The following FBXL17 variants were observed in gnomAD, a reference collection of about 807,000 sequenced individuals.
FBXL17 encodes F-box/LRR-repeat protein 17.
A neutral mutation model predicts 66.2 loss-of-function variants in FBXL17; 22 were observed. The observed-to-expected ratio is 0.33, with a 90% CI of 0.24 to 0.47. The LOEUF is 0.47. FBXL17 is among the 20% of genes least tolerant of loss of function. FBXL17 has a pLI of 1.00. For missense variants in FBXL17, 878 were observed against 948.2 expected, an observed-to-expected ratio of 0.93 and a Z score of 0.97; for synonymous variants, 474 against 400.5, an observed-to-expected ratio of 1.18 and a Z score of -2.19.
rs369864877 is a variant in FBXL17, at chr5:108,050,422, A to T, written c.1746-29421T>A. 2.4e-4 allele frequency among the ~76,000 whole-genome samples: 36 copies of T among 152,300 alleles called. No individual in the cohort carries two copies. The South Asian group carries it at 7.3e-3, about 31-fold the overall frequency. Reference sequence around the variant, plus strand: ...AGGATTAAGAAACTCACTCAAAACCAAACAATTACATGGAAATTGAACAAC... The same window carrying T: ...AGGATTAAGAAACTCACTCAAAACCTAACAATTACATGGAAATTGAACAAC... On this transcript the variant is annotated intron_variant, in intron 6 of 8. Coordinates refer to ENST00000542267, the MANE Select transcript of FBXL17 (RefSeq NM_001163315.3).
chr5:108,114,961 T>C (rs1227474264), intron 6 of FBXL17, among the ~76,000 whole-genome samples: 1 of 152,176 alleles, frequency 6.6e-6, no homozygotes, highest in Non-Finnish European at 1.5e-5. Flanking sequence ...TACAGAAATG[T>C]AGTCCAAAAA....
At chr5:108,241,531 C>G (rs1388982382) in intron 4 of FBXL17, among the ~76,000 whole-genome samples, 2 of 151,930 alleles carry the variant, frequency 1.3e-5, no homozygotes, top group Non-Finnish European at 2.9e-5. Context: ...AATCTAAGAG[C>G]TATTGCCTTT....
chr5:108,269,253 C>A (rs1356031210), intron 4 of FBXL17, among the ~76,000 whole-genome samples: 1 of 151,982 alleles, frequency 6.6e-6, no homozygotes, highest in East Asian at 1.9e-4. Flanking sequence ...AGTGACTTCA[C>A]CTCAAAATAA....
At chr5:108,237,521 G>A (rs1178977819) in intron 4 of FBXL17, among the ~76,000 whole-genome samples, 2 of 152,182 alleles carry the variant, frequency 1.3e-5, no homozygotes, top group African/African-American at 4.8e-5. Context: ...TACTGAAGGA[G>A]TCTATTTTAT....
At chr5:108,276,594 C>T (rs1757492875) in intron 4 of FBXL17, among the ~76,000 whole-genome samples, 2 of 152,050 alleles carry the variant, frequency 1.3e-5, no homozygotes, top group African/African-American at 4.8e-5. Flanking sequence ...AGCTACCTAG[C>T]AGTAAAATTT....
intron 5 of FBXL17, among the ~76,000 whole-genome samples, chr5:108,189,408 TTTG>T (rs1272077017): frequency 2.0e-5 from 3 of 152,064 alleles, no homozygotes; most frequent in East Asian, 3.9e-4. Context: ...TCAGTGTTTT[TTTG>T]TTGTTATTTT....
intron 6 of FBXL17, among the ~76,000 whole-genome samples, chr5:108,086,527 G>C: frequency 6.6e-6 from 1 of 152,038 alleles, no homozygotes; most frequent in Non-Finnish European, 1.5e-5. Flanking sequence ...GTGTTAACCT[G>C]ACTTTTTTAA....
At chr5:107,883,882 G>A (rs747951339) in intron 7 of FBXL17, among the ~76,000 whole-genome samples, 2 of 152,184 alleles carry the variant, frequency 1.3e-5, no homozygotes, top group African/African-American at 4.8e-5. Flanking sequence ...CTTGAAGGAT[G>A]AGTAATGGTT....
At chr5:108,115,714 T>C (rs1750222898) in intron 6 of FBXL17, among the ~76,000 whole-genome samples, 1 of 152,110 alleles carries the variant, frequency 6.6e-6, no homozygotes, top group Non-Finnish European at 1.5e-5. Context: ...TGAGTAGTTC[T>C]ACAAAATGAC....
At chr5:107,888,760 G>C (rs537750711) in intron 7 of FBXL17, among the ~76,000 whole-genome samples, 1 of 151,980 alleles carries the variant, frequency 6.6e-6, no homozygotes, top group African/African-American at 2.4e-5. Context: ...GGTGGTTTCC[G>C]CCTTGGGGCT....
intron 3 of FBXL17, among the ~76,000 whole-genome samples, chr5:108,356,524 T>G (rs1747999091): frequency 6.6e-6 from 1 of 152,102 alleles, no homozygotes; most frequent in Admixed American, 6.5e-5. Flanking sequence ...TGAAAAGACA[T>G]GGAAGAAACT....
intron 4 of FBXL17, among the ~76,000 whole-genome samples, chr5:108,318,067 T>C (rs981237476): frequency 6.6e-6 from 1 of 151,276 alleles, no homozygotes; most frequent in Admixed American, 6.6e-5. Flanking sequence ...CGCTGATAGC[T>C]AAAAAAAACT....
intron 6 of FBXL17, among the ~76,000 whole-genome samples, chr5:108,148,925 T>C (rs1326675548): frequency 6.6e-6 from 1 of 152,244 alleles, no homozygotes; most frequent in Non-Finnish European, 1.5e-5. Flanking sequence ...TTATAATCTC[T>C]TAAATGTTAA....
intron 1 of FBXL17, among the ~76,000 whole-genome samples, chr5:108,377,346 C>A (rs1247717515): frequency 1.3e-5 from 2 of 152,166 alleles, no homozygotes; most frequent in East Asian, 3.8e-4. Flanking sequence ...TCCACTCACC[C>A]CAACTGGCAC....
intron 1 of FBXL17, among the ~76,000 whole-genome samples, chr5:108,375,717 T>C (rs1023508708): frequency 6.6e-6 from 1 of 152,016 alleles, no homozygotes; most frequent in African/African-American, 2.4e-5. Flanking sequence ...TGAACACCAA[T>C]CTATCTTAAA....
At chr5:107,994,655 T>G (rs531407418) in intron 7 of FBXL17, among the ~76,000 whole-genome samples, 1 of 152,020 alleles carries the variant, frequency 6.6e-6, no homozygotes, top group Non-Finnish European at 1.5e-5. Flanking sequence ...CTGGTCAAGA[T>G]GGTGAAACCC....
At chr5:107,871,069 A>AAAAAAACAAAAAAC (rs1554080845) in intron 8 of FBXL17, among the ~76,000 whole-genome samples, 1 of 130,174 alleles carries the variant, frequency 7.7e-6, no homozygotes, top group African/African-American at 3.2e-5. Context: ...AAAAAAAAAA[A>AAAAAAACAAAAAAC]AAAAAAAAAA....
At chr5:108,296,246 TA>T (rs1430686999) in intron 4 of FBXL17, among the ~76,000 whole-genome samples, 2 of 151,726 alleles carry the variant, frequency 1.3e-5, no homozygotes, top group Non-Finnish European at 2.9e-5. Context: ...GTGATGACAT[TA>T]AGTGGATAAG....
At chr5:108,364,105 C>T (rs1376226029) in intron 3 of FBXL17, among the ~76,000 whole-genome samples, 1 of 151,952 alleles carries the variant, frequency 6.6e-6, no homozygotes, top group East Asian at 1.9e-4. Flanking sequence ...AGGATAGAGT[C>T]TTCCCAAATT....
Sources: gnomAD v4.1 joint callset for allele counts (sites outside exome capture counted in the v4.1 genomes callset) on GRCh38, gnomAD v4.1.1 for gene constraint, MANE v1.5 for transcripts, NCBI Gene and HGNC (gene_info 2026-07-23, HGNC 2026-07-21) for gene names.